Variants in CFTR observed in about 807,000 individuals in gnomAD.
CFTR encodes the protein CF transmembrane conductance regulator.
In CFTR, 181 loss-of-function variants were observed where a neutral mutation model predicts 171.6. The ratio of observed to expected loss-of-function variants is 1.05; its 90% CI spans 0.93 to 1.19. CFTR has a LOEUF of 1.19. Among genes scored for constraint, CFTR ranks in the 50% most tolerant of loss-of-function variants. CFTR has a pLI of 0.00. For missense variants in CFTR, 1,968 were observed against 1,734.7 expected (o/e 1.13, Z -2.39); for synonymous variants, 583 against 608.0 (o/e 0.96, Z 0.60).
chr7:117,611,124 A>T lies in CFTR; in HGVS notation c.3139+455A>T, dbSNP rs181024656. Among the ~76,000 whole-genome samples, 18 of 152,232 alleles carry T rather than the reference A, an allele frequency of 1.2e-4. No homozygotes were observed. The East Asian group carries it at 3.5e-3, about 29-fold the overall frequency. ...CCAAACTCTACTTGAGCTGTTAGGG[A>T]ATCACATTTTGCAGTGACAGCCTTA... On this transcript the variant is annotated intron_variant, in intron 19 of 26. Coordinates refer to ENST00000003084, the MANE Select transcript of CFTR (RefSeq NM_000492.4).
rs1389376517 is a variant in CFTR, at chr7:117,664,874, G to A, written c.4136+14G>A. 2 of 1,613,210 alleles carry A rather than the reference G, an allele frequency of 1.2e-6. No individual in the cohort carries two copies. The highest frequency in any genetic ancestry group is 1.7e-6 in the Non-Finnish European group (2 of 1,179,250). On this transcript the variant is annotated intron_variant, in intron 25 of 26. Transcript: ENST00000003084. Reference sequence around the variant, plus strand: ...TTTGGATCCAGTGTGAGTTTCAGATGTTCTGTTACTTAATAGCACAGTGGG... The same window carrying A: ...TTTGGATCCAGTGTGAGTTTCAGATATTCTGTTACTTAATAGCACAGTGGG...
chr7:117,649,250 G>T (rs942831703), intron 23 of CFTR, among the ~76,000 whole-genome samples: 1 of 150,116 alleles, frequency 6.7e-6, no homozygotes, highest in Non-Finnish European at 1.5e-5. Context: ...TAAATATTTG[G>T]CCACATTTTA....
chr7:117,610,743 C>T, intron 19 of CFTR, 74 bp downstream of exon 19: 1 of 1,526,086 alleles, frequency 6.6e-7, no homozygotes, highest in South Asian at 1.2e-5. Context: ...TATTGTTAAT[C>T]TACTTAAAAA....
intron 24 of CFTR, 111 bp from the exon 25 acceptor site, chr7:117,664,577 G>A (rs1743808540): frequency 1.0e-6 from 1 of 968,716 alleles, no homozygotes; most frequent in Admixed American, 1.8e-5. Context: ...GGGGGTAGAG[G>A]GATTGGTATG....
intron 22 of CFTR, among the ~76,000 whole-genome samples, chr7:117,638,400 A>G (rs1303423491): frequency 6.6e-6 from 1 of 152,152 alleles, no homozygotes; most frequent in Non-Finnish European, 1.5e-5. Context: ...AAGTGAATGC[A>G]TAGCTTATAT....
chr7:117,545,534 G>A (rs1799126039), intron 9 of CFTR, among the ~76,000 whole-genome samples: 1 of 152,088 alleles, frequency 6.6e-6, no homozygotes, highest in South Asian at 2.1e-4. Context: ...CACTTCCCAA[G>A]CTTCATAAAC....
At position 117,486,329 on chromosome 7, in the gene CFTR, A is replaced by G. The variant is rs116056768; in HGVS notation, c.53+6182A>G. The stretch of plus-strand genomic sequence containing the variant: ...TGACCTCATTCATATTCTGTATTCT[A>G]TGTGAGACGTTAAGAAGGTAGAGGT... On this transcript the variant is annotated intron_variant, in intron 1 of 26. Transcript: ENST00000003084. 1.7e-3 allele frequency among the ~76,000 whole-genome samples: 259 copies of G among 152,264 alleles called. 2 individuals carry two copies. Among genetic ancestry groups the G allele is most frequent in the African/African-American group, 5.9e-3 (246 of 41,580 alleles).
At chr7:117,644,966 A>G (rs1792977871) in intron 23 of CFTR, among the ~76,000 whole-genome samples, 1 of 152,206 alleles carries the variant, frequency 6.6e-6, no homozygotes, top group Admixed American at 6.6e-5. Context: ...AAAAACAGAA[A>G]AAATATTTTT....
At chr7:117,574,795 A>G (rs968744191) in intron 11 of CFTR, among the ~76,000 whole-genome samples, 3 of 152,152 alleles carry the variant, frequency 2.0e-5, no homozygotes, top group African/African-American at 7.2e-5. Flanking sequence ...TTATCTATGA[A>G]CAATATTTAG....
intron 26 of CFTR, among the ~76,000 whole-genome samples, chr7:117,666,645 A>C (rs1160139645): frequency 2.0e-5 from 3 of 152,124 alleles, no homozygotes; most frequent in Admixed American, 2.0e-4. Context: ...TTTGTTTTCA[A>C]AGCAACTTCA....
At chr7:117,506,704 T>A (rs1361309219) in intron 2 of CFTR, among the ~76,000 whole-genome samples, 2 of 152,222 alleles carry the variant, frequency 1.3e-5, no homozygotes, top group Non-Finnish European at 2.9e-5. Flanking sequence ...TTTCCAGTTT[T>A]CACTGTATCC....
At chr7:117,585,205 T>A (rs1791912668) in intron 11 of CFTR, among the ~76,000 whole-genome samples, 1 of 150,746 alleles carries the variant, frequency 6.6e-6, no homozygotes, top group Non-Finnish European at 1.5e-5. Context: ...TGCACACATT[T>A]ATTTATTTTC....
At chr7:117,639,453 G>T (rs1209346681) in intron 22 of CFTR, among the ~76,000 whole-genome samples, 2 of 151,904 alleles carry the variant, frequency 1.3e-5, no homozygotes, top group African/African-American at 2.4e-5. Context: ...AACTTAATTT[G>T]GAGTCAGATT....
chr7:117,600,346 G>A (rs1199376418), intron 15 of CFTR, among the ~76,000 whole-genome samples: 3 of 152,002 alleles, frequency 2.0e-5, no homozygotes, highest in Admixed American at 6.5e-5. Flanking sequence ...AGATGGAGAA[G>A]AAATGAAAAT....
rs1800120 is a variant in CFTR at position 117,627,538 on chromosome 7, G to T, written c.3485G>T (p.Arg1162Leu). Reference sequence around the variant, plus strand: ...TTATTTCAGATGCGATCTGTGAGCCGAGTCTTTAAGTTCATTGACATGCCA... The same window carrying T: ...TTATTTCAGATGCGATCTGTGAGCCTAGTCTTTAAGTTCATTGACATGCCA... ...DVDSLMRSVS[R>L]VFKFIDMPTE... is the part of the protein sequence containing the mutation. Residue 1162 changes from arginine to leucine, a missense_variant, in exon 22 of 27, where the codon CGA becomes CTA. Arg to Leu is a moderately radical substitution (Grantham distance 102). Coordinates refer to ENST00000003084, the MANE Select transcript of CFTR (RefSeq NM_000492.4). 1,272 of 1,613,148 alleles carry T rather than the reference G, an allele frequency of 7.9e-4. 1 individual carries two copies. The highest frequency in any genetic ancestry group is 1.0e-3 in the Non-Finnish European group (1,176 of 1,179,394).
chr7:117,612,033 A>ATATATATATATATG (rs1792407977), intron 20 of CFTR, among the ~76,000 whole-genome samples: 1 of 75,310 alleles, frequency 1.3e-5, no homozygotes, highest in African/African-American at 6.0e-5. Context: ...GTATATATAT[A>ATATATATATATATG]TATATATATA....
intron 12 of CFTR, among the ~76,000 whole-genome samples, chr7:117,588,514 C>T (rs1388155786): frequency 6.6e-6 from 1 of 152,060 alleles, no homozygotes; most frequent in Non-Finnish European, 1.5e-5. Context: ...TTTATCTGAA[C>T]AAAATTCTTC....
chr7:117,593,788 GT>G (rs1003170348), intron 14 of CFTR, among the ~76,000 whole-genome samples: 1 of 152,046 alleles, frequency 6.6e-6, no homozygotes, highest in African/African-American at 2.4e-5. Context: ...TAGAGAAGGG[GT>G]TTCATCATGT....
At chr7:117,599,946 G>A (rs1238929407) in intron 15 of CFTR, among the ~76,000 whole-genome samples, 1 of 152,048 alleles carries the variant, frequency 6.6e-6, no homozygotes, top group Non-Finnish European at 1.5e-5. Context: ...TTCTACTCAT[G>A]ACCAGAGAAC....
Sources: allele counts gnomAD v4.1 joint callset (sites outside exome capture counted in the v4.1 genomes callset), GRCh38; gene constraint gnomAD v4.1.1; transcripts MANE v1.5; gene names NCBI Gene and HGNC (gene_info 2026-07-23, HGNC 2026-07-21).